The following TULP2 variants were observed in gnomAD, a reference collection of about 807,000 sequenced individuals.
The protein encoded by TULP2 is TUB like protein 2, also known as tubby-related protein 2.
Under a neutral mutation model 60.3 loss-of-function variants are expected in TULP2, and 64 were observed. The ratio of observed to expected loss-of-function variants is 1.06; its 90% CI spans 0.87 to 1.31. The LOEUF (loss-of-function observed/expected upper bound fraction) is 1.31, where lower values mean the gene tolerates loss of function less well. Ranked by LOEUF, TULP2 falls within the 50% of genes most tolerant of loss-of-function variation. The probability of loss-of-function intolerance (pLI) is 0.00; values close to 1 mark genes in which losing one functional copy is unlikely to be tolerated. For missense variants in TULP2, 652 were observed against 667.0 expected (o/e 0.98, Z 0.25); for synonymous variants, 267 against 265.4 (o/e 1.01, Z -0.06).
chr19:48,890,598 A>G (rs2037224147), intron 6 of TULP2, among the ~76,000 whole-genome samples: 1 of 152,026 alleles, frequency 6.6e-6, no homozygotes, highest in South Asian at 2.1e-4. Context: ...CCACCCCTTC[A>G]CCTAAAGGAT....
At chr19:48,887,921 C>G in intron 8 of TULP2, 29 bp downstream of exon 8, 1 of 1,595,558 alleles carries the variant, frequency 6.3e-7, no homozygotes, top group Non-Finnish European at 8.6e-7. Context: ...GGGGCTTACT[C>G]CCAAAGCTGT....
intron 6 of TULP2, among the ~76,000 whole-genome samples, chr19:48,894,598 G>A (rs922220470): frequency 6.6e-6 from 1 of 152,092 alleles, no homozygotes; most frequent in East Asian, 1.9e-4. Context: ...CCAAGATCAC[G>A]CCACTGCACT....
At chr19:48,895,683 C>G (rs141616008) in intron 4 of TULP2, among the ~76,000 whole-genome samples, 180 bp from the exon 5 acceptor site, 16,236 of 152,110 alleles carry the variant, frequency 0.11, 1,189 homozygotes, top group Non-Finnish European at 0.16. Context: ...AGTTCGAGAC[C>G]AGCCTGACCA....
chr19:48,889,793 G>A (rs1383038003), intron 6 of TULP2, among the ~76,000 whole-genome samples, 162 bp from the exon 7 acceptor site: 2 of 152,206 alleles, frequency 1.3e-5, no homozygotes. Flanking sequence ...TCTGAAACAT[G>A]TGCTGTGTCC....
intron 6 of TULP2, among the ~76,000 whole-genome samples, chr19:48,893,489 G>A (rs758462263): frequency 2.0e-5 from 3 of 152,112 alleles, no homozygotes; most frequent in Admixed American, 6.6e-5. Context: ...AGTGGAGGTT[G>A]GTGGTTGCCA....
rs745759960 is a variant in TULP2 at position 48,895,475 on chromosome 19, T to C, written c.240A>G (p.Lys80=). 8.1e-6 allele frequency: 13 copies of C among 1,610,772 alleles called. No individual in the cohort carries two copies. The highest frequency in any genetic ancestry group is 1.1e-5 in the Non-Finnish European group (13 of 1,177,612). The change falls in exon 5 of 13, where the codon AAA becomes AAG. Residue 80 remains lysine, a synonymous_variant. Transcript: ENST00000221399. ...RGLGNPFLRK[K]VSEAHLPSGI... ...CAGAGGGCAGATGTGCCTCTGACAC[T>C]TTCTTCCGGAGGAAAGGGTTCCCAA...
At chr19:48,892,484 C>A (rs1472971066) in intron 6 of TULP2, among the ~76,000 whole-genome samples, 1 of 152,072 alleles carries the variant, frequency 6.6e-6, no homozygotes, top group Non-Finnish European at 1.5e-5. Context: ...TTAACAGCAT[C>A]TCAAAGCAGA....
At position 48,897,923 on chromosome 19, in the gene TULP2, T is replaced by G; in HGVS notation, c.-1-54A>C. On this transcript the variant is annotated intron_variant, in intron 1 of 12. Coordinates refer to ENST00000221399, the MANE Select transcript of TULP2 (RefSeq NM_003323.3). This position sits in a 1 kb window ranked among gnomAD's most constrained non-coding sequence, Gnocchi z 4.0. ...TCAGAACCAACATCCCAATGGATCC[T>G]GCCCACCAGCACCTAATCTTTAGCC... 6.7e-7 allele frequency: 1 copy of G among 1,492,168 alleles called. No individual in the cohort carries two copies. The highest frequency in any genetic ancestry group is 9.3e-7 in the Non-Finnish European group (1 of 1,080,940). 92.4% of individuals were successfully genotyped at this position (1,492,168 alleles called of 1,614,324 possible).
chr19:48,885,566 G>T lies in TULP2; in HGVS notation c.949-6C>A, dbSNP rs2037172405. 1 of 1,612,746 alleles carries T rather than the reference G, an allele frequency of 6.2e-7. No homozygotes were observed. Among genetic ancestry groups the T allele is most frequent in the Admixed American group, 1.7e-5 (1 of 59,970 alleles). On this transcript the variant is annotated splice_region_variant and splice_polypyrimidine_tract_variant and intron_variant, in intron 8 of 12. Transcript: ENST00000221399. ...CGCCCAGCCAGGAGGAAGCGCTATG[G>T]ATGAGAGGAACAGTCCATTAGAATG...
chr19:48,895,611 G>A (rs2037271744), intron 4 of TULP2, 108 bp from the exon 5 acceptor site: 1 of 1,418,634 alleles, frequency 7.0e-7, no homozygotes, highest in African/African-American at 1.4e-5. Flanking sequence ...CAGGCGCCGT[G>A]GCTCACGCCT....
In TULP2 at chr19:48,887,311, C is replaced by CTTTTTTTTTTTTTTTTTT. The variant is rs58640342; in HGVS notation, c.948+621_948+638dup. ...CAAGTGTGAGCCACCGCGCCCAGCCCTTTTTTTTTTTTTTTTTTTTTTTTT... is the reference window on the plus strand; with the variant it reads ...CAAGTGTGAGCCACCGCGCCCAGCCCTTTTTTTTTTTTTTTTTTTTTTTTTTTTTTTTTTTTTTTTTTT... On this transcript the variant is annotated intron_variant, in intron 8 of 12. Transcript: ENST00000221399. 4.7e-3 allele frequency among the ~76,000 whole-genome samples: 184 copies of CTTTTTTTTTTTTTTTTTT among 39,376 alleles called. 45 individuals carry two copies. Among genetic ancestry groups the CTTTTTTTTTTTTTTTTTT allele is most frequent in the Non-Finnish European group, 6.5e-3 (125 of 19,332 alleles). The allele number at this position is 39,376 out of a possible 152,430, so 25.8% of individuals were successfully genotyped here.
At chr19:48,884,071 A>G in intron 9 of TULP2, 25 bp from the exon 10 acceptor site, 1 of 1,588,182 alleles carries the variant, frequency 6.3e-7, no homozygotes, top group Non-Finnish European at 8.6e-7. Flanking sequence ...GAATGGATAG[A>G]ATAAAAATAC....
In TULP2 at chr19:48,897,795, C is replaced by A. The variant is rs1224017204; in HGVS notation, c.32+42G>T. The A allele has an allele frequency of 6.2e-7, 1 of 1,610,930 alleles. No homozygotes were observed. Among genetic ancestry groups the A allele is most frequent in the African/African-American group, 1.3e-5 (1 of 74,812 alleles). ...AGAGCCGAGTGCACGGGGTCCCCAG[C>A]CCTTTCCACCTCCACCCCTACCCAT... On this transcript the variant is annotated intron_variant, in intron 2 of 12. Transcript: ENST00000221399. This position sits in a 1 kb window ranked among gnomAD's most constrained non-coding sequence, Gnocchi z 4.0.
At chr19:48,883,230 AAAAG>A (rs1241221330) in intron 11 of TULP2, among the ~76,000 whole-genome samples, 49 of 151,986 alleles carry the variant, frequency 3.2e-4, no homozygotes, top group Admixed American at 5.9e-4. Context: ...AAAAAAAAAA[AAAAG>A]AAAGAAAGAG....
chr19:48,888,149 C>T lies in TULP2; in HGVS notation c.749G>A (p.Ser250Asn). The T allele has an allele frequency of 6.2e-7, 1 of 1,614,250 alleles. No individual in the cohort carries two copies. The highest frequency in any genetic ancestry group is 1.1e-5 in the South Asian group (1 of 91,092). The change falls in exon 8 of 13, where the codon AGC becomes AAC. Residue 250 changes from serine (S) to asparagine (N), a missense_variant. Transcript: ENST00000221399. ...GGAGGCTTCGTGCCTCATATGGTCG[C>T]TGTCCGTGCCACCCTCGCCTTTCAG... is the stretch of plus-strand genomic sequence containing the variant. ...KALKGEGGTDSDHMRHEASLA... is the reference protein window; with the variant it reads ...KALKGEGGTDNDHMRHEASLA...
At chr19:48,894,229 C>T (rs1230440260) in intron 6 of TULP2, among the ~76,000 whole-genome samples, 3 of 152,006 alleles carry the variant, frequency 2.0e-5, no homozygotes, top group Admixed American at 1.3e-4. Context: ...GACATGGTTT[C>T]GTCACGTTGG....
Position 48,881,063 on chromosome 19 carries a change from A to G in TULP2, c.1511T>C (p.Phe504Ser), listed in dbSNP as rs1163657494. The G allele has an allele frequency of 2.5e-6, 4 of 1,614,022 alleles. No homozygotes were observed. The highest frequency in any genetic ancestry group is 1.1e-5 in the South Asian group (1 of 91,080). Reference sequence around the variant, plus strand: ...GAAGGCCTGGAGCGGGCTAAATGGAAAGCAGAAGTCCATGGTGAATGTGTC... The same window carrying G: ...GAAGGCCTGGAGCGGGCTAAATGGAGAGCAGAAGTCCATGGTGAATGTGTC... ...GPDTFTMDFC[F>S]PFSPLQAFSI... Residue 504 changes from phenylalanine to serine, a missense_variant, in exon 13 of 13, where the codon TTT (phenylalanine) becomes TCT (serine). Coordinates refer to ENST00000221399, the MANE Select transcript of TULP2 (RefSeq NM_003323.3).
Position 48,885,531 on chromosome 19 carries a change from T to C in TULP2, c.978A>G (p.Arg326=). 1.2e-6 allele frequency: 2 copies of C among 1,613,966 alleles called. No homozygotes were observed. The highest frequency in any genetic ancestry group is 1.6e-4 in the Middle Eastern group (1 of 6,062). The change falls in exon 9 of 13, where the codon AGA becomes AGG. Residue 326 remains arginine, a synonymous_variant. Coordinates refer to ENST00000221399, the MANE Select transcript of TULP2 (RefSeq NM_003323.3). The stretch of plus-strand genomic sequence containing the variant: ...TGAGGTAATTAGAAGTTTTGCTCCT[T>C]CTTCTCTTTCGCCCAGCCAGGAGGA... ...QRFLLAGRKR[R]RSKTSNYLIS...
rs759842574 is a variant in TULP2, at chr19:48,888,192, C to A, written c.706G>T (p.Glu236Ter). The change falls in exon 8 of 13, where the codon GAA becomes TAA. Residue 236 changes from glutamate (E) to a stop codon, truncating the protein, a stop_gained. Coordinates refer to ENST00000221399, the MANE Select transcript of TULP2 (RefSeq NM_003323.3). LOFTEE classifies it high-confidence loss of function. ...CCTTTCAGGGCCTTGGACAACTCTT[C>A]GTTGTGTGCTGCTGAGGAGTTCGTC... ...TGTNSSAAHN[E>*]ELSKALKGEG... 6.8e-6 allele frequency: 11 copies of A among 1,614,128 alleles called. No individual in the cohort carries two copies. Among genetic ancestry groups the A allele is most frequent in the Non-Finnish European group, 9.3e-6 (11 of 1,179,990 alleles).
Sources: allele counts gnomAD v4.1 joint callset (sites outside exome capture counted in the v4.1 genomes callset), GRCh38; gene constraint gnomAD v4.1.1; non-coding constraint Gnocchi (gnomAD v3.1); transcripts MANE v1.5; gene names NCBI Gene and HGNC (gene_info 2026-07-23, HGNC 2026-07-21).